The following LRRC4C variants were observed in gnomAD, a reference collection of about 807,000 sequenced individuals.
LRRC4C encodes the protein leucine-rich repeat-containing protein 4C.
A neutral mutation model predicts 33.6 loss-of-function variants in LRRC4C; 5 were observed. The observed-to-expected ratio is 0.15, with a 90% CI of 0.08 to 0.31. LRRC4C has a LOEUF of 0.31. Ranked by LOEUF, LRRC4C falls within the 10% of genes least tolerant of loss-of-function variation. The pLI is 1.00. For synonymous variants in LRRC4C, 329 were observed against 302.0 expected (o/e 1.09, Z -0.93); for missense variants, 560 against 796.7 (o/e 0.70, Z 3.58).
chr11:40,857,206 AT>A lies in LRRC4C; in HGVS notation c.-407+76428del, dbSNP rs1334274815. Among the ~76,000 whole-genome samples the A allele has an allele frequency of 2.6e-5, 4 of 152,334 alleles. No individual in the cohort carries two copies. The East Asian group carries it at 7.7e-4, about 29-fold the overall frequency. ...TTAGGACCACACACATTTTTTAAAAATTTAATTTCAAATTCCAGGATACATG... is the reference window on the plus strand; with the variant it reads ...TTAGGACCACACACATTTTTTAAAAATTAATTTCAAATTCCAGGATACATG... On this transcript the variant is annotated intron_variant, in intron 2 of 6. Coordinates refer to ENST00000528697, the MANE Select transcript of LRRC4C (RefSeq NM_001258419.2).
chr11:40,768,847 G>T (rs1328879426), intron 2 of LRRC4C, among the ~76,000 whole-genome samples: 1 of 152,028 alleles, frequency 6.6e-6, no homozygotes, highest in African/African-American at 2.4e-5. Context: ...CACAATAAAA[G>T]CCACATATGA....
chr11:40,256,307 A>G (rs1262234366), intron 4 of LRRC4C, among the ~76,000 whole-genome samples: 1 of 152,182 alleles, frequency 6.6e-6, no homozygotes, highest in East Asian at 1.9e-4. Flanking sequence ...TTGAACAGGT[A>G]CCTCATCTCA....
intron 2 of LRRC4C, among the ~76,000 whole-genome samples, chr11:40,728,557 C>T (rs546498978): frequency 7.1e-6 from 1 of 139,872 alleles, no homozygotes; most frequent in East Asian, 2.1e-4. Flanking sequence ...ACCAGAGAGG[C>T]GGAGCTTACA....
At chr11:41,247,186 T>C (rs1338941184) in intron 1 of LRRC4C, among the ~76,000 whole-genome samples, 2 of 152,198 alleles carry the variant, frequency 1.3e-5, no homozygotes, top group African/African-American at 4.8e-5. Context: ...TACAATTAGT[T>C]TTTCATCTTT....
intron 4 of LRRC4C, among the ~76,000 whole-genome samples, chr11:40,259,043 C>G (rs1867457621): frequency 6.6e-6 from 1 of 152,134 alleles, no homozygotes; most frequent in African/African-American, 2.4e-5. Context: ...TAATTGTTAT[C>G]CCTATTTTGC....
chr11:40,323,095 T>G (rs576803413), intron 3 of LRRC4C, among the ~76,000 whole-genome samples: 1 of 152,280 alleles, frequency 6.6e-6, no homozygotes, highest in East Asian at 1.9e-4. Flanking sequence ...ATAATCAACT[T>G]GGAAATGGAT....
chr11:40,861,255 CAGA>C (rs1252727477), intron 2 of LRRC4C, among the ~76,000 whole-genome samples: 2 of 152,000 alleles, frequency 1.3e-5, no homozygotes, highest in Admixed American at 6.6e-5. Context: ...CTCAGATATG[CAGA>C]AGAAGATAGA....
chr11:40,159,081 A>G (rs1413474504), intron 5 of LRRC4C, among the ~76,000 whole-genome samples: 2 of 152,150 alleles, frequency 1.3e-5, no homozygotes, highest in African/African-American at 4.8e-5. Context: ...CAAAGTGCAC[A>G]TTTCTACGTA....
intron 1 of LRRC4C, among the ~76,000 whole-genome samples, chr11:40,977,426 T>C (rs1852166636): frequency 6.6e-6 from 1 of 152,148 alleles, no homozygotes; most frequent in Non-Finnish European, 1.5e-5. Flanking sequence ...CACTAAAAGA[T>C]TTCTCTACAC....
At chr11:40,483,041 T>C (rs1037829202) in intron 3 of LRRC4C, among the ~76,000 whole-genome samples, 1 of 152,164 alleles carries the variant, frequency 6.6e-6, no homozygotes, top group Non-Finnish European at 1.5e-5. Context: ...TATTTTCTTC[T>C]CTGTTGATCC....
chr11:40,331,322 G>A (rs566867820), intron 3 of LRRC4C, among the ~76,000 whole-genome samples: 1 of 152,260 alleles, frequency 6.6e-6, no homozygotes, highest in East Asian at 1.9e-4. Context: ...CTAAAGGAAA[G>A]AAAATCAGTA....
intron 1 of LRRC4C, among the ~76,000 whole-genome samples, chr11:41,441,264 C>A (rs1019618829): frequency 1.3e-5 from 2 of 152,136 alleles, no homozygotes; most frequent in Middle Eastern, 3.4e-3. Flanking sequence ...CCCCTCCTAG[C>A]GTTTATTTTT....
Position 40,316,791 on chromosome 11 carries a change from G to A in LRRC4C, c.-176+2837C>T, listed in dbSNP as rs1271875316. ...ACTTAGAATGCTTTCACTATGATGT[G>A]ATTTGGTTAAGCTGTGATTTATGGG... On this transcript the variant is annotated intron_variant, in intron 4 of 6. Transcript: ENST00000528697. Among the ~76,000 whole-genome samples, 5 of 151,906 alleles carry A rather than the reference G, an allele frequency of 3.3e-5. No homozygotes were observed. The East Asian group carries it at 9.7e-4, about 29-fold the overall frequency.
intron 1 of LRRC4C, among the ~76,000 whole-genome samples, chr11:41,243,472 G>A (rs544572270): frequency 1.6e-4 from 25 of 152,262 alleles, no homozygotes; most frequent in Admixed American, 4.6e-4. Flanking sequence ...CTTCCTCAAT[G>A]TTAAGAAGAC....
chr11:40,203,807 T>C (rs1282344919), intron 5 of LRRC4C, among the ~76,000 whole-genome samples: 1 of 152,222 alleles, frequency 6.6e-6, no homozygotes, highest in African/African-American at 2.4e-5. Context: ...GTGGAAGCAC[T>C]GACTGGATAA....
At chr11:41,049,951 T>A (rs1295317071) in intron 1 of LRRC4C, among the ~76,000 whole-genome samples, 3 of 152,196 alleles carry the variant, frequency 2.0e-5, no homozygotes, top group Non-Finnish European at 2.9e-5. Context: ...AAAACAGAAT[T>A]TTCCAATGAC....
intron 3 of LRRC4C, among the ~76,000 whole-genome samples, chr11:40,461,954 G>C (rs761996173): frequency 3.3e-5 from 5 of 151,802 alleles, no homozygotes; most frequent in Admixed American, 1.3e-4. Flanking sequence ...GAGAAGAAGG[G>C]AGGAATGATG....
chr11:41,416,258 A>G (rs1456455958), intron 1 of LRRC4C, among the ~76,000 whole-genome samples: 1 of 152,072 alleles, frequency 6.6e-6, no homozygotes, highest in African/African-American at 2.4e-5. Context: ...ACCGTTTTAC[A>G]TGGGAGCTAG....
intron 2 of LRRC4C, among the ~76,000 whole-genome samples, chr11:40,689,301 T>G (rs1434505694): frequency 6.6e-6 from 1 of 152,042 alleles, no homozygotes; most frequent in African/African-American, 2.4e-5. Flanking sequence ...AACTCAGTAC[T>G]GCCTGATCCA....
Sources: gnomAD v4.1 joint callset for allele counts (sites outside exome capture counted in the v4.1 genomes callset) on GRCh38, gnomAD v4.1.1 for gene constraint, MANE v1.5 for transcripts, NCBI Gene and HGNC (gene_info 2026-07-23, HGNC 2026-07-21) for gene names.